XYLT1: variants seen among roughly 807,000 people sequenced by gnomAD.
XYLT1 encodes the protein xylosyltransferase 1, also known as beta-D-xylosyltransferase 1.
In XYLT1, 36 loss-of-function variants were observed where a neutral mutation model predicts 91.3. The ratio of observed to expected loss-of-function variants is 0.39; its 90% confidence interval spans 0.30 to 0.52. The LOEUF is 0.52. Among genes scored for constraint, XYLT1 ranks in the 20% least tolerant of loss-of-function variants. XYLT1 has a pLI of 0.68. For missense variants in XYLT1, 1,242 were observed against 1,284.5 expected, an observed-to-expected ratio of 0.97 and a Z score of 0.51; for synonymous variants, 588 against 532.0, an observed-to-expected ratio of 1.11 and a Z score of -1.45.
chr16:17,289,334 C>G (rs910249270), intron 2 of XYLT1, among the ~76,000 whole-genome samples: 1 of 152,170 alleles, frequency 6.6e-6, no homozygotes, highest in Non-Finnish European at 1.5e-5. Flanking sequence ...TTTGTGCCAG[C>G]TTTTTTCCCC....
chr16:17,400,303 T>C (rs555521621), intron 1 of XYLT1, among the ~76,000 whole-genome samples: 1 of 152,184 alleles, frequency 6.6e-6, no homozygotes, highest in East Asian at 1.9e-4. Flanking sequence ...GAACTTGCAG[T>C]TTAGGGGCTG....
intron 3 of XYLT1, among the ~76,000 whole-genome samples, chr16:17,216,047 T>C (rs1197360394): frequency 6.6e-6 from 1 of 152,178 alleles, no homozygotes; most frequent in Non-Finnish European, 1.5e-5. Flanking sequence ...GGCCCCCATA[T>C]CCTGCACTCT....
At chr16:17,211,417 G>A (rs1035730186) in intron 3 of XYLT1, among the ~76,000 whole-genome samples, 2 of 152,160 alleles carry the variant, frequency 1.3e-5, no homozygotes, top group Non-Finnish European at 2.9e-5. Flanking sequence ...GAGTCTCCTG[G>A]GGTGGGCTTT....
chr16:17,115,096 G>A (rs978437646), intron 11 of XYLT1, among the ~76,000 whole-genome samples: 1 of 151,924 alleles, frequency 6.6e-6, no homozygotes, highest in Non-Finnish European at 1.5e-5. Context: ...CACCCGCCTC[G>A]GCCTCCCAGT....
chr16:17,184,833 T>C (rs1251413230), intron 5 of XYLT1, among the ~76,000 whole-genome samples: 3 of 152,228 alleles, frequency 2.0e-5, no homozygotes, highest in African/African-American at 7.2e-5. Context: ...CTATCACATT[T>C]TTCCCCAGGA....
chr16:17,207,581 C>T (rs2141595983), intron 3 of XYLT1, among the ~76,000 whole-genome samples: 1 of 152,282 alleles, frequency 6.6e-6, no homozygotes, highest in East Asian at 1.9e-4. Flanking sequence ...AGACTCAGGC[C>T]TGAGAGGTTG....
Position 17,127,745 on chromosome 16 carries a change from A to G in XYLT1, c.2144T>C (p.Leu715Pro). The G allele has an allele frequency of 6.2e-7, 1 of 1,614,186 alleles. No individual in the cohort carries two copies. Among genetic ancestry groups the G allele is most frequent in the Non-Finnish European group, 8.5e-7 (1 of 1,180,042 alleles). ...TTTTTTCGGCATCACCCAGGTCTCC[A>G]GAGTCTCTAGTTTGCTCACAGCCAG... ...TNLAVSKLETLETWVMPKKVF... is the reference protein window; with the variant it reads ...TNLAVSKLETPETWVMPKKVF... The change falls in exon 10 of 12, where the codon CTG (leucine) becomes CCG (proline). Residue 715 changes from leucine (L) to proline (P), a missense_variant. Physicochemically the swap from Leu to Pro is moderately conservative, Grantham distance 98 (BLOSUM62 -3). Around this residue, in one of 3 missense-constraint regions of XYLT1, gnomAD observed 511 missense variants for 497.0 expected, o/e 1.03. Coordinates refer to ENST00000261381, the MANE Select transcript of XYLT1 (RefSeq NM_022166.4).
chr16:17,365,372 G>A (rs1457575656), intron 1 of XYLT1, among the ~76,000 whole-genome samples: 4 of 152,116 alleles, frequency 2.6e-5, no homozygotes, highest in Non-Finnish European at 4.4e-5. Flanking sequence ...CAGGGCAGGC[G>A]GCATGGGGTG....
intron 3 of XYLT1, among the ~76,000 whole-genome samples, chr16:17,212,641 A>G (rs951073969): frequency 6.6e-6 from 1 of 152,072 alleles, no homozygotes; most frequent in Non-Finnish European, 1.5e-5. Flanking sequence ...CCAAGCACTC[A>G]GGACATTTTC....
At chr16:17,216,478 A>C (rs147137510) in intron 3 of XYLT1, among the ~76,000 whole-genome samples, 16 of 152,324 alleles carry the variant, frequency 1.1e-4, no homozygotes, top group African/African-American at 3.8e-4. Flanking sequence ...CATAAACCAT[A>C]AATATGTTCT....
At chr16:17,468,748 C>A (rs187595585) in intron 1 of XYLT1, among the ~76,000 whole-genome samples, 1 of 152,040 alleles carries the variant, frequency 6.6e-6, no homozygotes, top group African/African-American at 2.4e-5. Flanking sequence ...CCTCCTGAAC[C>A]CACTCTGACC....
intron 3 of XYLT1, among the ~76,000 whole-genome samples, chr16:17,213,904 G>A (rs946841491): frequency 6.6e-6 from 1 of 152,114 alleles, no homozygotes; most frequent in Admixed American, 6.5e-5. Context: ...GGCATGATCT[G>A]CCGCACCTAG....
chr16:17,232,405 CTGTGTGTG>C (rs1199361319), intron 3 of XYLT1, among the ~76,000 whole-genome samples: 6 of 119,204 alleles, frequency 5.0e-5, no homozygotes, highest in African/African-American at 1.6e-4. Flanking sequence ...GTGTCTGTGT[CTGTGTGTG>C]TGTGTGTGTG....
intron 1 of XYLT1, among the ~76,000 whole-genome samples, chr16:17,467,301 C>G (rs1280706802): frequency 6.6e-6 from 1 of 152,198 alleles, no homozygotes; most frequent in Non-Finnish European, 1.5e-5. Flanking sequence ...ACATTCATTA[C>G]ATTAACACAC....
intron 5 of XYLT1, among the ~76,000 whole-genome samples, chr16:17,171,289 C>G (rs1398866079): frequency 6.6e-6 from 1 of 152,196 alleles, no homozygotes; most frequent in Non-Finnish European, 1.5e-5. Context: ...GTTTGGATTT[C>G]AGCCCCAAGG....
chr16:17,227,102 C>A (rs574483581), intron 3 of XYLT1: 1 of 152,182 alleles, frequency 6.6e-6, no homozygotes, highest in Non-Finnish European at 1.5e-5. Context: ...ATGGCAGGTA[C>A]CAGGGGTGTG....
At chr16:17,236,473 T>C (rs892059907) in intron 3 of XYLT1, among the ~76,000 whole-genome samples, 4 of 149,132 alleles carry the variant, frequency 2.7e-5, no homozygotes, top group African/African-American at 9.9e-5. Flanking sequence ...GGGGACAGTG[T>C]GGAAAAACTG....
chr16:17,311,919 G>A (rs970002708), intron 2 of XYLT1, among the ~76,000 whole-genome samples: 2 of 152,028 alleles, frequency 1.3e-5, no homozygotes, highest in African/African-American at 4.8e-5. Flanking sequence ...ACTACAATGA[G>A]AACAATATAG....
At chr16:17,438,922 C>T (rs1265108827) in intron 1 of XYLT1, among the ~76,000 whole-genome samples, 2 of 152,076 alleles carry the variant, frequency 1.3e-5, no homozygotes, top group Non-Finnish European at 2.9e-5. Flanking sequence ...CAGAGCCAAA[C>T]CATATCAGCA....
Sources: allele counts gnomAD v4.1 joint callset (sites outside exome capture counted in the v4.1 genomes callset), GRCh38; gene constraint gnomAD v4.1.1; regional missense constraint gnomAD v4.1.1; transcripts MANE v1.5; gene names NCBI Gene and HGNC (gene_info 2026-07-23, HGNC 2026-07-21).